The following CDC42BPB variants were observed in gnomAD, a reference collection of about 807,000 sequenced individuals.
CDC42BPB encodes the protein serine/threonine-protein kinase MRCK beta.
Under a neutral mutation model 214.9 loss-of-function variants are expected in CDC42BPB, and 37 were observed. That is an observed-to-expected ratio of 0.17 (90% CI 0.13 to 0.23). The LOEUF (loss-of-function observed/expected upper bound fraction) is 0.23. Among genes scored for constraint, CDC42BPB ranks in the 10% least tolerant of loss-of-function variants. CDC42BPB has a pLI of 1.00. For missense variants in CDC42BPB, 1,694 were observed against 2,227.0 expected (o/e 0.76, Z 4.82); for synonymous variants, 931 against 884.0 (o/e 1.05, Z -0.94).
At chr14:102,937,087 C>A (rs1891676327) in intron 36 of CDC42BPB, 1 of 152,200 alleles carries the variant, frequency 6.6e-6, no homozygotes, top group Admixed American at 6.5e-5. Flanking sequence ...CAAACAAGGT[C>A]ATGCAGACGA....
chr14:103,030,640 G>C (rs1351375009), intron 1 of CDC42BPB, among the ~76,000 whole-genome samples: 3 of 152,154 alleles, frequency 2.0e-5, no homozygotes, highest in Non-Finnish European at 4.4e-5. Flanking sequence ...AGGTTGCAGT[G>C]AGCCCAGATC....
intron 2 of CDC42BPB, among the ~76,000 whole-genome samples, chr14:103,011,155 C>T (rs900659819): frequency 6.6e-6 from 1 of 152,172 alleles, no homozygotes; most frequent in African/African-American, 2.4e-5. Context: ...TCTGCAAGGC[C>T]GAGGCAGGTC....
At position 103,014,174 on chromosome 14, in the gene CDC42BPB, A is replaced by AC. The variant is rs1886328037; in HGVS notation, c.176-1987_176-1986insG. On this transcript the variant is annotated intron_variant, in intron 1 of 36. Transcript: ENST00000361246. ...CAGCGAGACTCCGTCTCAAAAAAAA[A>AC]AAAAAAAAAAAAGCTCCTAGAGAGA... is the stretch of plus-strand genomic sequence containing the variant. Among the ~76,000 whole-genome samples the AC allele has an allele frequency of 3.3e-5, 5 of 151,464 alleles. No homozygotes were observed. The South Asian group carries it at 1.0e-3, about 31-fold the overall frequency.
At chr14:102,961,237 T>A (rs1251383729) in intron 20 of CDC42BPB, among the ~76,000 whole-genome samples, 1 of 151,980 alleles carries the variant, frequency 6.6e-6, no homozygotes, top group Non-Finnish European at 1.5e-5. Context: ...CATGAGGGAA[T>A]CCCTCCAACA....
rs1041419377 is a variant in CDC42BPB, at chr14:102,969,619, G to A, written c.1995+532C>T. 1.2e-4 allele frequency among the ~76,000 whole-genome samples: 19 copies of A among 152,332 alleles called. 1 individual carries two copies. The highest frequency in any genetic ancestry group is 4.1e-4 in the African/African-American group (17 of 41,578). The stretch of plus-strand genomic sequence containing the variant: ...GCGGCTCACACATGAGGAGATCCAG[G>A]CCACGCCATACTGCCAAGGAGATCC... On this transcript the variant is annotated intron_variant, in intron 14 of 36. Coordinates refer to ENST00000361246, the MANE Select transcript of CDC42BPB (RefSeq NM_006035.4).
chr14:102,993,064 A>C (rs1453426984), intron 5 of CDC42BPB, among the ~76,000 whole-genome samples: 1 of 152,084 alleles, frequency 6.6e-6, no homozygotes, highest in African/African-American at 2.4e-5. Flanking sequence ...TTGTGAGCTC[A>C]AGCAATCCAC....
intron 14 of CDC42BPB, chr14:102,968,928 G>T: frequency 1.0e-6 from 1 of 981,622 alleles, no homozygotes. Flanking sequence ...ATGTGCCCAG[G>T]TCTGCCTGGG....
In CDC42BPB at chr14:102,933,764, TG is replaced by T; in HGVS notation, c.5083del (p.His1695ThrfsTer66). On this transcript the variant is annotated frameshift_variant, in exon 37 of 37. Transcript: ENST00000361246. LOFTEE classifies it high-confidence loss of function. ...GCCTTCGAGGGGGAGCTGGCTCCTG[TG>T]GGGGGAGTTGGGGCTCGGTGGGCCG... ...PSGPPSPNSP[H>X]RSQLPLEGLE... 3 of 1,495,970 alleles carry T rather than the reference TG, an allele frequency of 2.0e-6. No individual in the cohort carries two copies. Among genetic ancestry groups the T allele is most frequent in the Admixed American group, 3.0e-5 (1 of 33,530 alleles). The allele number at this position is 1,495,970 out of a possible 1,614,324, so 92.7% of individuals were successfully genotyped here.
rs1191395783 is a variant in CDC42BPB at position 102,978,149 on chromosome 14, A to G, written c.1197T>C (p.Ile399=). 1.9e-6 allele frequency: 3 copies of G among 1,613,698 alleles called. No homozygotes were observed. Among genetic ancestry groups the G allele is most frequent in the Middle Eastern group, 1.7e-4 (1 of 6,060 alleles). ...TGFSGLHLPF[I]GFTFTTESCF... is the part of the protein sequence containing the mutation. Reference sequence around the variant, plus strand: ...ACCTTTCCGTTGTGAATGTAAAACCAATGAATGGCAAATGTAATCCAGAAA... The same window carrying G: ...ACCTTTCCGTTGTGAATGTAAAACCGATGAATGGCAAATGTAATCCAGAAA... The change falls in exon 9 of 37, where the codon ATT becomes ATC. Residue 399 remains isoleucine, a synonymous_variant. Transcript: ENST00000361246.
At chr14:102,935,008 T>TA (rs1891583829) in intron 36 of CDC42BPB, among the ~76,000 whole-genome samples, 1 of 141,280 alleles carries the variant, frequency 7.1e-6, no homozygotes, top group Non-Finnish European at 1.5e-5. Context: ...AGTGAGACTC[T>TA]GTCTCAAAAA....
At chr14:103,022,963 T>G (rs182790535) in intron 1 of CDC42BPB, among the ~76,000 whole-genome samples, 1 of 151,874 alleles carries the variant, frequency 6.6e-6, no homozygotes. Flanking sequence ...TTACACACCA[T>G]GAAAAAAGCA....
chr14:102,963,259 C>G (rs1893039872), intron 19 of CDC42BPB, 104 bp from the exon 20 acceptor site: 6 of 1,470,544 alleles, frequency 4.1e-6, no homozygotes, highest in Non-Finnish European at 5.4e-6. Context: ...CCCCAGCACT[C>G]AGGACTGTCC....
intron 5 of CDC42BPB, among the ~76,000 whole-genome samples, chr14:102,992,315 CCTATCCCAA>C (rs1228170330): frequency 3.3e-5 from 5 of 152,318 alleles, no homozygotes; most frequent in African/African-American, 1.2e-4. Flanking sequence ...AAAAAGCCCT[CCTATCCCAA>C]CTACAGATAA....
Position 102,946,487 on chromosome 14 carries a change from G to C in CDC42BPB, c.3729C>G (p.Ile1243Met). ...YDSSLPLIKA[I>M]LTAAIVDADR... ...ACGTACCCACGATGGCAGCTGTCAG[G>C]ATGGCCTTGATGAGAGGCAGCGAGC... Residue 1243 changes from isoleucine (I) to methionine (M), a missense_variant, in exon 28 of 37, where the codon ATC becomes ATG. Physicochemically the swap from Ile to Met is conservative, Grantham distance 10. Transcript: ENST00000361246. The C allele has an allele frequency of 1.2e-6, 2 of 1,612,774 alleles. No individual in the cohort carries two copies. Among genetic ancestry groups the C allele is most frequent in the South Asian group, 2.2e-5 (2 of 91,074 alleles).
At position 102,942,054 on chromosome 14, in the gene CDC42BPB, T is replaced by C. The variant is rs35683057; in HGVS notation, c.4409-1730A>G. ...ACATTGCACTAAGTGACCTGGGCCC[T>C]CTTCAACGTTACGCTTTGCAAAAAT... On this transcript the variant is annotated intron_variant, in intron 30 of 36. Coordinates refer to ENST00000361246, the MANE Select transcript of CDC42BPB (RefSeq NM_006035.4). Among the ~76,000 whole-genome samples the C allele has an allele frequency of 2.7e-3, 416 of 152,350 alleles. 2 individuals are homozygous for C. The highest frequency in any genetic ancestry group is 9.6e-3 in the African/African-American group (400 of 41,578).
intron 1 of CDC42BPB, among the ~76,000 whole-genome samples, chr14:103,037,902 G>A (rs866651030): frequency 7.9e-5 from 12 of 151,936 alleles, no homozygotes; most frequent in African/African-American, 1.9e-4. Flanking sequence ...GGTGGCGGGC[G>A]CCTATAGTCC....
At chr14:103,012,931 G>C (rs371603446) in intron 1 of CDC42BPB, among the ~76,000 whole-genome samples, 53 of 152,356 alleles carry the variant, frequency 3.5e-4, no homozygotes, top group African/African-American at 1.1e-3. Flanking sequence ...ACATGGCCTA[G>C]GTGTGGAGTA....
At chr14:103,056,113 G>C (rs569239714) in intron 1 of CDC42BPB, among the ~76,000 whole-genome samples, 106 of 152,024 alleles carry the variant, frequency 7.0e-4, no homozygotes, top group Non-Finnish European at 1.2e-3. Flanking sequence ...TCAAATTTTT[G>C]TCCTAAAAAA....
At chr14:102,951,951 C>A (rs1439866528) in intron 24 of CDC42BPB, among the ~76,000 whole-genome samples, 1 of 152,208 alleles carries the variant, frequency 6.6e-6, no homozygotes, top group African/African-American at 2.4e-5. Flanking sequence ...CGTAGTAATT[C>A]TCAGTAGATG....
Sources: gnomAD v4.1 joint callset for allele counts (sites outside exome capture counted in the v4.1 genomes callset) on GRCh38, gnomAD v4.1.1 for gene constraint, MANE v1.5 for transcripts, NCBI Gene and HGNC (gene_info 2026-07-23, HGNC 2026-07-21) for gene names.